Variants in SDK1 observed in about 807,000 individuals in gnomAD.
SDK1 encodes the protein protein sidekick-1.
Under a neutral mutation model 245.5 loss-of-function variants are expected in SDK1, and 157 were observed. That is an observed-to-expected ratio of 0.64 (90% CI 0.56 to 0.73). The LOEUF (loss-of-function observed/expected upper bound fraction) is 0.73, where lower values mean the gene tolerates loss of function less well. Ranked by LOEUF, SDK1 falls within the 30% of genes least tolerant of loss-of-function variation. SDK1 has a pLI of 0.00. For synonymous variants in SDK1, 1,647 were observed against 1,278.5 expected, an observed-to-expected ratio of 1.29 and a Z score of -6.15; for missense variants, 3,583 against 3,002.3, an observed-to-expected ratio of 1.19 and a Z score of -4.52.
chr7:4,266,011 C>T lies in SDK1; in HGVS notation c.*627C>T. 1 of 985,538 alleles carries T rather than the reference C, an allele frequency of 1.0e-6. No homozygotes were observed. Among genetic ancestry groups the T allele is most frequent in the Non-Finnish European group, 1.2e-6 (1 of 829,982 alleles). 61.0% of individuals were successfully genotyped at this position (985,538 alleles called of 1,614,324 possible). A position where few individuals can be genotyped will look rare whatever the true frequency, so the allele number is the denominator to read the frequency against. ...GCCAGGCAGGGATGCTAAGGTGTGGCTCAGCCGTCACTGTCTGTGTCACTG... is the reference window on the plus strand; with the variant it reads ...GCCAGGCAGGGATGCTAAGGTGTGGTTCAGCCGTCACTGTCTGTGTCACTG... On this transcript the variant is annotated 3_prime_UTR_variant, in exon 45 of 45. Coordinates refer to ENST00000404826, the MANE Select transcript of SDK1 (RefSeq NM_152744.4).
intron 1 of SDK1, among the ~76,000 whole-genome samples, chr7:3,536,733 A>C (rs1323393472): frequency 1.6e-4 from 25 of 152,008 alleles, no homozygotes; most frequent in Admixed American, 1.6e-3. Flanking sequence ...CTATGCATTG[A>C]AAAGTGTCTG....
At chr7:3,562,739 C>T (rs1483715197) in intron 1 of SDK1, among the ~76,000 whole-genome samples, 2 of 152,196 alleles carry the variant, frequency 1.3e-5, no homozygotes, top group Non-Finnish European at 2.9e-5. Context: ...TTTGCCTCTC[C>T]TATTGCCTTC....
intron 1 of SDK1, among the ~76,000 whole-genome samples, chr7:3,449,185 G>T (rs1029998098): frequency 1.3e-5 from 2 of 152,154 alleles, no homozygotes; most frequent in African/African-American, 4.8e-5. Flanking sequence ...TGTGTGTCAC[G>T]TTTTGGGGCT....
At chr7:3,556,945 G>T (rs918996301) in intron 1 of SDK1, among the ~76,000 whole-genome samples, 3 of 151,908 alleles carry the variant, frequency 2.0e-5, no homozygotes, top group African/African-American at 7.3e-5. Context: ...AATATCTCAT[G>T]TACCCCTTAA....
chr7:4,169,540 C>T (rs1008680230), intron 32 of SDK1, among the ~76,000 whole-genome samples: 1 of 152,234 alleles, frequency 6.6e-6, no homozygotes, highest in African/African-American at 2.4e-5. Flanking sequence ...TTCTTCCTGG[C>T]AGTGAGCTCG....
At chr7:3,366,350 TTC>T (rs1781090960) in intron 1 of SDK1, among the ~76,000 whole-genome samples, 2 of 151,990 alleles carry the variant, frequency 1.3e-5, no homozygotes, top group Non-Finnish European at 2.9e-5. Flanking sequence ...GTCTCCTCCT[TTC>T]TTTTTTTTTT....
chr7:3,319,387 C>T (rs1049718449), intron 1 of SDK1, among the ~76,000 whole-genome samples: 3 of 152,072 alleles, frequency 2.0e-5, no homozygotes, highest in African/African-American at 7.2e-5. Flanking sequence ...GTAAGAGCAT[C>T]TGGGGGCTTA....
intron 35 of SDK1, among the ~76,000 whole-genome samples, chr7:4,202,427 G>T (rs1260193527): frequency 1.3e-5 from 2 of 152,192 alleles, no homozygotes; most frequent in African/African-American, 4.8e-5. Flanking sequence ...AGCAGCCCCC[G>T]TGTGACTGGC....
At chr7:3,918,346 A>G (rs1266138401) in intron 5 of SDK1, among the ~76,000 whole-genome samples, 1 of 152,148 alleles carries the variant, frequency 6.6e-6, no homozygotes, top group African/African-American at 2.4e-5. Flanking sequence ...TGGCATTACC[A>G]CCAGAGCTCC....
At chr7:3,631,509 C>T (rs1022290278) in intron 2 of SDK1, among the ~76,000 whole-genome samples, 1 of 152,194 alleles carries the variant, frequency 6.6e-6, no homozygotes, top group African/African-American at 2.4e-5. Context: ...TATGAATTGC[C>T]TAGCTTTCAA....
chr7:4,057,769 C>T (rs919656546), intron 19 of SDK1, among the ~76,000 whole-genome samples: 11 of 152,174 alleles, frequency 7.2e-5, no homozygotes, highest in African/African-American at 2.2e-4. Flanking sequence ...CACCCTAAGC[C>T]GCTGAGGAAA....
chr7:3,441,536 A>G (rs1442207927), intron 1 of SDK1, among the ~76,000 whole-genome samples: 5 of 151,112 alleles, frequency 3.3e-5, no homozygotes, highest in Non-Finnish European at 5.9e-5. Context: ...GTGTGGATCT[A>G]TTTTTGGACT....
intron 1 of SDK1, among the ~76,000 whole-genome samples, chr7:3,592,256 C>CCTG (rs1780901303): frequency 1.3e-5 from 2 of 152,270 alleles, no homozygotes; most frequent in East Asian, 3.9e-4. Flanking sequence ...AAAATGTCAG[C>CCTG]TATCTATCGT....
intron 4 of SDK1, among the ~76,000 whole-genome samples, chr7:3,795,746 G>C (rs560548815): frequency 1.1e-4 from 17 of 152,246 alleles, no homozygotes; most frequent in African/African-American, 4.1e-4. Context: ...GAAAGTATTT[G>C]GTGTTCTTCC....
chr7:3,785,524 T>A (rs1780873601), intron 4 of SDK1, among the ~76,000 whole-genome samples: 1 of 152,190 alleles, frequency 6.6e-6, no homozygotes, highest in African/African-American at 2.4e-5. Flanking sequence ...AAGTGGAGGC[T>A]GGACTGCTTA....
At chr7:4,140,187 A>G (rs1584268413) in intron 28 of SDK1, among the ~76,000 whole-genome samples, 2 of 151,912 alleles carry the variant, frequency 1.3e-5, no homozygotes, top group South Asian at 4.2e-4. Context: ...CCCAGCCTGC[A>G]CCTCACAGGC....
chr7:3,655,503 A>ATATGTG (rs1562634481), intron 4 of SDK1, among the ~76,000 whole-genome samples: 9 of 62,780 alleles, frequency 1.4e-4, no homozygotes, highest in Admixed American at 5.5e-4. Context: ...ATATATATAT[A>ATATGTG]TGTATGTATG....
At chr7:4,176,867 C>T (rs1436757079) in intron 34 of SDK1, among the ~76,000 whole-genome samples, 1 of 152,220 alleles carries the variant, frequency 6.6e-6, no homozygotes, top group African/African-American at 2.4e-5. Flanking sequence ...CGTTTTGTTT[C>T]TCCACTCAGC....
chr7:4,240,779 C>T (rs984668465), intron 42 of SDK1, among the ~76,000 whole-genome samples: 3 of 152,076 alleles, frequency 2.0e-5, no homozygotes, highest in South Asian at 4.2e-4. Context: ...TCAGGGAGGT[C>T]GCCTCTGGTC....
Sources: allele counts gnomAD v4.1 joint callset (sites outside exome capture counted in the v4.1 genomes callset), GRCh38; gene constraint gnomAD v4.1.1; transcripts MANE v1.5; gene names NCBI Gene and HGNC (gene_info 2026-07-23, HGNC 2026-07-21).